The following TRPC1 variants were observed in gnomAD, a reference collection of about 807,000 sequenced individuals.
The protein encoded by TRPC1 is transient receptor potential cation channel subfamily C member 1, also known as short transient receptor potential channel 1.
Under a neutral mutation model 88.2 loss-of-function variants are expected in TRPC1, and 42 were observed. The ratio of observed to expected loss-of-function variants is 0.48; its 90% confidence interval spans 0.37 to 0.62. The LOEUF (loss-of-function observed/expected upper bound fraction) is 0.62. TRPC1 is among the 20% of genes least tolerant of loss of function. The pLI, the probability that TRPC1 is intolerant of heterozygous loss-of-function variation, is 0.00. For missense variants in TRPC1, 699 were observed against 957.3 expected, an observed-to-expected ratio of 0.73 and a Z score of 3.56; for synonymous variants, 288 against 331.8, an observed-to-expected ratio of 0.87 and a Z score of 1.43.
chr3:142,797,174 TG>T (rs1443900961), intron 9 of TRPC1, among the ~76,000 whole-genome samples: 19 of 145,316 alleles, frequency 1.3e-4, no homozygotes, highest in African/African-American at 4.9e-4. Flanking sequence ...GAAAAAAGGT[TG>T]TTTTTTTTTT....
intron 5 of TRPC1, among the ~76,000 whole-genome samples, chr3:142,780,284 C>T (rs1157234891): frequency 2.6e-5 from 4 of 152,102 alleles, no homozygotes; most frequent in Admixed American, 6.6e-5. Context: ...TTTTGTTAGG[C>T]GCATTTTAAT....
intron 7 of TRPC1, among the ~76,000 whole-genome samples, chr3:142,787,976 G>A (rs1437888718): frequency 1.3e-5 from 2 of 152,190 alleles, no homozygotes; most frequent in Non-Finnish European, 1.5e-5. Context: ...GTACAAAGAA[G>A]GGTCTGAGTA....
rs1215632784 is a variant in TRPC1, at chr3:142,767,888, T to G, written c.633-9744T>G. Among the ~76,000 whole-genome samples the G allele has an allele frequency of 1.3e-5, 2 of 150,092 alleles. No individual in the cohort carries two copies. Among genetic ancestry groups the G allele is most frequent in the East Asian group, 3.9e-4 (2 of 5,152 alleles). On this transcript the variant is annotated intron_variant, in intron 4 of 12. Transcript: ENST00000476941. This position sits in a 1 kb window ranked among gnomAD's most constrained non-coding sequence, Gnocchi z 5.1. ...GTTTTTAATTGGTTATCTGATTTTTTTATTGATGAATTGTGTGTGTATGTT... is the reference window on the plus strand; with the variant it reads ...GTTTTTAATTGGTTATCTGATTTTTGTATTGATGAATTGTGTGTGTATGTT...
intron 1 of TRPC1, among the ~76,000 whole-genome samples, chr3:142,734,684 TCC>T (rs1238561893): frequency 6.6e-6 from 1 of 151,966 alleles, no homozygotes; most frequent in East Asian, 1.9e-4. Flanking sequence ...ATGCCTATAA[TCC>T]CAGCACTTTT....
chr3:142,753,624 G>A (rs2108057000), intron 4 of TRPC1, among the ~76,000 whole-genome samples: 1 of 151,730 alleles, frequency 6.6e-6, no homozygotes, highest in South Asian at 2.1e-4. Flanking sequence ...AATTAGCTGG[G>A]CGTGGTGGCA....
In TRPC1 at chr3:142,802,290, A is replaced by G. The variant is rs1394905727; in HGVS notation, c.1703A>G (p.Gln568Arg). The change falls in exon 10 of 13, where the codon CAG (glutamine) becomes CGG (arginine). Residue 568 changes from glutamine (Q) to arginine (R), a missense_variant. Physicochemically the swap from Gln to Arg is conservative, Grantham distance 43. Transcript: ENST00000476941. ...GATAAAGGATATACTTCAAAGGAGC[A>G]GAAGGACTGTGTAGGCATCTTCTGT... ...LYDKGYTSKE[Q>R]KDCVGIFCEQ... 1 of 1,595,218 alleles carries G rather than the reference A, an allele frequency of 6.3e-7. No individual in the cohort carries two copies. The highest frequency in any genetic ancestry group is 8.5e-7 in the Non-Finnish European group (1 of 1,172,218).
intron 4 of TRPC1, among the ~76,000 whole-genome samples, chr3:142,760,794 ACTT>A (rs1052112233): frequency 2.0e-5 from 3 of 150,794 alleles, no homozygotes; most frequent in African/African-American, 7.3e-5. Context: ...TAGATCTTTC[ACTT>A]CTTTGGTTAG....
chr3:142,758,104 C>A (rs1036036233), intron 4 of TRPC1, among the ~76,000 whole-genome samples: 2 of 152,214 alleles, frequency 1.3e-5, no homozygotes, highest in South Asian at 4.2e-4. Flanking sequence ...CCCACCTTCT[C>A]CTAACACCCC....
Position 142,724,356 on chromosome 3 carries a change from A to C in TRPC1, c.-204A>C. 1.0e-5 allele frequency: 4 copies of C among 388,926 alleles called. No individual in the cohort carries two copies. Among genetic ancestry groups the C allele is most frequent in the Non-Finnish European group, 8.8e-6 (2 of 226,704 alleles). The allele number at this position is 388,926 out of a possible 1,614,324, so 24.1% of individuals were successfully genotyped here. ...GCCCCGGGGCCGCGCATGCGCCGCC[A>C]CCAACTTGGGGCTGTCAGTGGAGGG... On this transcript the variant is annotated 5_prime_UTR_variant, in exon 1 of 13. Transcript: ENST00000476941. This position sits in a 1 kb window ranked among gnomAD's most constrained non-coding sequence, Gnocchi z 5.6.
intron 9 of TRPC1, among the ~76,000 whole-genome samples, chr3:142,799,952 AATG>A (rs1936568551): frequency 6.6e-6 from 1 of 152,180 alleles, no homozygotes; most frequent in Non-Finnish European, 1.5e-5. Context: ...TTAAAATTAA[AATG>A]ATATCATACA....
chr3:142,738,300 A>C (rs1006526197), intron 2 of TRPC1, among the ~76,000 whole-genome samples: 1 of 152,200 alleles, frequency 6.6e-6, no homozygotes, highest in Non-Finnish European at 1.5e-5. Flanking sequence ...TTATCAGTCC[A>C]CAAATGTCCA....
chr3:142,806,072 A>T lies in TRPC1; in HGVS notation c.2219A>T (p.His740Leu). Residue 740 changes from histidine (H) to leucine (L), a missense_variant, in exon 13 of 13, where the codon CAT becomes CTT. Physicochemically the swap from His to Leu is moderately conservative, Grantham distance 99 (BLOSUM62 -3). Transcript: ENST00000476941. The part of the protein sequence containing the change: ...NYQKVMCCLV[H>L]RYLTSMRQKM... ...CAAAAAGTGATGTGCTGCCTAGTGC[A>T]TCGTTACTTGACTTCCATGAGACAG... The T allele has an allele frequency of 6.2e-7, 1 of 1,614,026 alleles. No individual in the cohort carries two copies. Among genetic ancestry groups the T allele is most frequent in the Non-Finnish European group, 8.5e-7 (1 of 1,179,930 alleles).
At chr3:142,766,029 T>C (rs1935373082) in intron 4 of TRPC1, among the ~76,000 whole-genome samples, 1 of 151,198 alleles carries the variant, frequency 6.6e-6, no homozygotes, top group East Asian at 1.9e-4. Flanking sequence ...GAATGTCTAT[T>C]AAGAAGTAAA....
intron 4 of TRPC1, among the ~76,000 whole-genome samples, chr3:142,762,430 T>C (rs1165355525): frequency 1.4e-5 from 2 of 139,360 alleles, no homozygotes; most frequent in African/African-American, 5.4e-5. Flanking sequence ...TATTCTTGAT[T>C]TTTTTTTTTT....
Position 142,771,865 on chromosome 3 carries a change from A to C in TRPC1, c.633-5767A>C, listed in dbSNP as rs553740332. 1.1e-4 allele frequency among the ~76,000 whole-genome samples: 17 copies of C among 152,182 alleles called. No individual in the cohort carries two copies. The East Asian group carries it at 3.3e-3, about 29-fold the overall frequency. On this transcript the variant is annotated intron_variant, in intron 4 of 12. Transcript: ENST00000476941. ...TGTAAGGCAGTTCTGGTAGCAATAT[A>C]TTTTGTGAGTTTTTGTTTATCTAGT... is the stretch of plus-strand genomic sequence containing the variant.
chr3:142,748,402 G>C lies in TRPC1; in HGVS notation c.574G>C (p.Gly192Arg). Residue 192 changes from glycine (G) to arginine (R), a missense_variant, in exon 4 of 13, where the codon GGC (glycine) becomes CGC (arginine). Transcript: ENST00000476941. ...DVSLPKPHAVGCECTLCSAKN... is the reference protein window; with the variant it reads ...DVSLPKPHAVRCECTLCSAKN... ...ATCTCTACCCAAGCCCCATGCAGTTGGCTGTGAATGCACATTGTGTTCTGC... is the reference window on the plus strand; with the variant it reads ...ATCTCTACCCAAGCCCCATGCAGTTCGCTGTGAATGCACATTGTGTTCTGC... The C allele has an allele frequency of 6.2e-7, 1 of 1,614,086 alleles. No homozygotes were observed. Among genetic ancestry groups the C allele is most frequent in the Non-Finnish European group, 8.5e-7 (1 of 1,179,988 alleles).
chr3:142,802,004 C>G (rs1398371306), intron 9 of TRPC1, among the ~76,000 whole-genome samples, 165 bp from the exon 10 acceptor site: 1 of 152,050 alleles, frequency 6.6e-6, no homozygotes, highest in Non-Finnish European at 1.5e-5. Context: ...TGTTAGGCAG[C>G]TGGATTTTCG....
Position 142,780,898 on chromosome 3 carries a change from C to CG in TRPC1, c.831dup (p.Asn278GlufsTer4). On this transcript the variant is annotated frameshift_variant, in exon 6 of 13. Coordinates refer to ENST00000476941, the MANE Select transcript of TRPC1 (RefSeq NM_001251845.2). LOFTEE classifies it high-confidence loss of function. ...TGCTAAGGATTTACTTGCACAAGCC[C>CG]GGAATTCTCGTGAATTGGAAGTTAT... 6.2e-7 allele frequency: 1 copy of CG among 1,613,546 alleles called. No individual in the cohort carries two copies. The highest frequency in any genetic ancestry group is 1.3e-5 in the African/African-American group (1 of 75,002).
intron 9 of TRPC1, among the ~76,000 whole-genome samples, chr3:142,795,442 T>C (rs982333389): frequency 2.6e-5 from 4 of 151,532 alleles, no homozygotes; most frequent in African/African-American, 9.7e-5. Context: ...AAATCAGTGA[T>C]AAAAAAAATC....
Sources: gnomAD v4.1 joint callset for allele counts (sites outside exome capture counted in the v4.1 genomes callset) on GRCh38, gnomAD v4.1.1 for gene constraint, Gnocchi (gnomAD v3.1) non-coding constraint, MANE v1.5 for transcripts, NCBI Gene and HGNC (gene_info 2026-07-23, HGNC 2026-07-21) for gene names.